Variants in MAFK observed in about 807,000 individuals in gnomAD.
MAFK encodes the protein transcription factor MafK.
In MAFK, 1 loss-of-function variant was observed where a neutral mutation model predicts 9.2. The ratio of observed to expected loss-of-function variants is 0.11; its 90% CI spans 0.04 to 0.52. The LOEUF is 0.52. MAFK is among the 20% of genes least tolerant of loss of function. The probability of loss-of-function intolerance (pLI) is 0.94; values close to 1 mark genes in which losing one functional copy is unlikely to be tolerated. For missense variants in MAFK, 207 were observed against 236.0 expected, an observed-to-expected ratio of 0.88 and a Z score of 0.81; for synonymous variants, 110 against 107.4, an observed-to-expected ratio of 1.02 and a Z score of -0.15.
At chr7:1,531,298 G>A (rs559849159) in intron 1 of MAFK, among the ~76,000 whole-genome samples, 213 of 151,076 alleles carry the variant, frequency 1.4e-3, no homozygotes, top group African/African-American at 5.0e-3. Context: ...GGGCGGTGCG[G>A]GGAGGGCGCG....
chr7:1,540,663 G>A lies in MAFK; in HGVS notation c.*288G>A. On this transcript the variant is annotated 3_prime_UTR_variant, in exon 3 of 3. Coordinates refer to ENST00000343242, the MANE Select transcript of MAFK (RefSeq NM_002360.4). ...GGTATCTTGCACCCGTGGGAGTCGG[G>A]ACATATAATGGAAAGGCCCTCGGGA... 4.6e-6 allele frequency: 2 copies of A among 437,960 alleles called. No homozygotes were observed. Among genetic ancestry groups the A allele is most frequent in the Non-Finnish European group, 8.1e-6 (2 of 245,408 alleles). The allele number at this position is 437,960 out of a possible 1,614,324, so 27.1% of individuals were successfully genotyped here.
chr7:1,540,504 G>C lies in MAFK; in HGVS notation c.*129G>C. On this transcript the variant is annotated 3_prime_UTR_variant, in exon 3 of 3. Transcript: ENST00000343242. ...CCAAGCGCAGGCCCCTCGGGCGCAGGCAGCTCACACCAGGAAGAGACTGTA... is the reference window on the plus strand; with the variant it reads ...CCAAGCGCAGGCCCCTCGGGCGCAGCCAGCTCACACCAGGAAGAGACTGTA... 1.1e-6 allele frequency: 1 copy of C among 942,810 alleles called. No homozygotes were observed. The highest frequency in any genetic ancestry group is 1.5e-6 in the Non-Finnish European group (1 of 648,974). The allele number at this position is 942,810 out of a possible 1,614,324, so 58.4% of individuals were successfully genotyped here.
Position 1,539,981 on chromosome 7 carries a change from A to G in MAFK, c.77A>G (p.Asp26Gly). 1 of 1,552,886 alleles carries G rather than the reference A, an allele frequency of 6.4e-7. No individual in the cohort carries two copies. The highest frequency in any genetic ancestry group is 8.7e-7 in the Non-Finnish European group (1 of 1,147,472). The change falls in exon 3 of 3, where the codon GAT becomes GGT. Residue 26 changes from aspartate (D) to glycine (G), a missense_variant. Physicochemically the swap from Asp to Gly is moderately conservative, Grantham distance 94. Transcript: ENST00000343242. ...EAGENAPVLSDDELVSMSVRE... is the reference protein window; with the variant it reads ...EAGENAPVLSGDELVSMSVRE... ...GGCGAGAACGCCCCGGTGCTCAGCG[A>G]TGATGAGCTGGTGTCCATGTCGGTG...
rs1022809747 is a variant in MAFK at position 1,532,012 on chromosome 7, G to A, written c.-45+1114G>A. On this transcript the variant is annotated intron_variant, in intron 1 of 2. Coordinates refer to ENST00000343242, the MANE Select transcript of MAFK (RefSeq NM_002360.4). This position sits in a 1 kb window ranked among gnomAD's most constrained non-coding sequence, Gnocchi z 4.5. ...AGGCAGCCAGCCAATCTCTGGCCAG[G>A]TGCCTGGCCTTGGGAAGATCCTGAG... Among the ~76,000 whole-genome samples, 4 of 152,160 alleles carry A rather than the reference G, an allele frequency of 2.6e-5. No homozygotes were observed. The highest frequency in any genetic ancestry group is 9.7e-5 in the African/African-American group (4 of 41,438).
intron 1 of MAFK, among the ~76,000 whole-genome samples, chr7:1,533,096 G>A (rs530701267): frequency 2.1e-4 from 32 of 152,334 alleles, no homozygotes; most frequent in African/African-American, 6.7e-4. Context: ...AGGTACAAGC[G>A]AACTTGAGTG....
rs973326092 is a variant in MAFK at position 1,542,284 on chromosome 7, A to G, written c.*1909A>G. The G allele has an allele frequency of 1.3e-5, 2 of 152,650 alleles. No individual in the cohort carries two copies. The highest frequency in any genetic ancestry group is 1.9e-4 in the East Asian group (1 of 5,194). 9.5% of individuals were successfully genotyped at this position (152,650 alleles called of 1,614,324 possible). ...GTTTATCTACAGATTTTTCGTAACA[A>G]TCTTTCTTTTCCAGTTTGATACTGT... On this transcript the variant is annotated 3_prime_UTR_variant, in exon 3 of 3. Coordinates refer to ENST00000343242, the MANE Select transcript of MAFK (RefSeq NM_002360.4).
chr7:1,535,818 C>T (rs938871540), intron 1 of MAFK, among the ~76,000 whole-genome samples: 40 of 152,338 alleles, frequency 2.6e-4, no homozygotes, highest in African/African-American at 9.1e-4. Flanking sequence ...CCTTCCTGGG[C>T]GGAGCCGCCC....
chr7:1,533,810 C>A (rs534450038), intron 1 of MAFK, among the ~76,000 whole-genome samples: 1 of 151,994 alleles, frequency 6.6e-6, no homozygotes. Flanking sequence ...GGCATCTGGG[C>A]CCCCCGGAAT....
rs150311941 is a variant in MAFK at position 1,534,777 on chromosome 7, C to T, written c.-45+3879C>T. Reference sequence around the variant, plus strand: ...CGTAGAGCGAGCGGCAGCCCCGATGCGTCCTCTCATCTGGGAAGAATCAGA... The same window carrying T: ...CGTAGAGCGAGCGGCAGCCCCGATGTGTCCTCTCATCTGGGAAGAATCAGA... On this transcript the variant is annotated intron_variant, in intron 1 of 2. Coordinates refer to ENST00000343242, the MANE Select transcript of MAFK (RefSeq NM_002360.4). This position sits in a 1 kb window ranked among gnomAD's most constrained non-coding sequence, Gnocchi z 4.3. 165 of 382,480 alleles carry T rather than the reference C, an allele frequency of 4.3e-4. No individual in the cohort carries two copies. Among genetic ancestry groups the T allele is most frequent in the African/African-American group, 3.0e-3 (143 of 48,128 alleles). The allele number at this position is 382,480 out of a possible 1,614,324, so 23.7% of individuals were successfully genotyped here.
At chr7:1,539,848 A>G in intron 2 of MAFK, 93 bp from the exon 3 acceptor site, 2 of 1,118,668 alleles carry the variant, frequency 1.8e-6, no homozygotes, top group Non-Finnish European at 2.5e-6. Context: ...GCAGGCGTGC[A>G]GGGGCACCGC....
intron 2 of MAFK, among the ~76,000 whole-genome samples, 181 bp from the exon 3 acceptor site, chr7:1,539,760 A>G (rs1194971365): frequency 1.3e-5 from 2 of 152,172 alleles, no homozygotes; most frequent in Non-Finnish European, 2.9e-5. Context: ...CTGTGGGGCC[A>G]CAGCTGTCAC....
At position 1,534,430 on chromosome 7, in the gene MAFK, G is replaced by T; in HGVS notation, c.-45+3532G>T. Reference sequence around the variant, plus strand: ...CTCCTGGGAGAGGCGGGTACACCTTGGGTGGCCTCTGGTTTTGTGGATTGC... The same window carrying T: ...CTCCTGGGAGAGGCGGGTACACCTTTGGTGGCCTCTGGTTTTGTGGATTGC... On this transcript the variant is annotated intron_variant, in intron 1 of 2. Coordinates refer to ENST00000343242, the MANE Select transcript of MAFK (RefSeq NM_002360.4). This position sits in a 1 kb window ranked among gnomAD's most constrained non-coding sequence, Gnocchi z 4.3. The T allele has an allele frequency of 2.3e-6, 1 of 435,290 alleles. No homozygotes were observed. The highest frequency in any genetic ancestry group is 4.7e-6 in the Non-Finnish European group (1 of 211,944). 27.0% of individuals were successfully genotyped at this position (435,290 alleles called of 1,614,324 possible). A position where few individuals can be genotyped will look rare whatever the true frequency, so the allele number is the denominator to read the frequency against.
In MAFK at chr7:1,531,551, G is replaced by T. The variant is rs1237160860; in HGVS notation, c.-45+653G>T. ...AAGGCCGTGGGGAGGCGGGAGGGGG[G>T]CAGGTGACAGTGGCCCCAAGGCTCG... is the stretch of plus-strand genomic sequence containing the variant. On this transcript the variant is annotated intron_variant, in intron 1 of 2. Transcript: ENST00000343242. Among the ~76,000 whole-genome samples, 3 of 152,206 alleles carry T rather than the reference G, an allele frequency of 2.0e-5. No individual in the cohort carries two copies. The East Asian group carries it at 5.8e-4, about 29-fold the overall frequency.
Position 1,539,540 on chromosome 7 carries a change from AGCG to A in MAFK, c.36+313_36+315del, listed in dbSNP as rs573424629. 4.3e-3 allele frequency among the ~76,000 whole-genome samples: 452 copies of A among 106,150 alleles called. 1 individual carries two copies. The highest frequency in any genetic ancestry group is 0.018 in the African/African-American group (434 of 24,128). 69.6% of individuals were successfully genotyped at this position (106,150 alleles called of 152,430 possible). A position where few individuals can be genotyped will look rare whatever the true frequency, so the allele number is the denominator to read the frequency against. ...GGCTCCAGGCGTGGGCAGCGTGGCC[AGCG>A]TGGCCTCTGGTGAACGCGATGCTCC... On this transcript the variant is annotated intron_variant, in intron 2 of 2. Transcript: ENST00000343242.
chr7:1,532,677 C>A lies in MAFK; in HGVS notation c.-45+1779C>A, dbSNP rs1356173175. Among the ~76,000 whole-genome samples, 1 of 152,190 alleles carries A rather than the reference C, an allele frequency of 6.6e-6. No homozygotes were observed. Among genetic ancestry groups the A allele is most frequent in the Non-Finnish European group, 1.5e-5 (1 of 68,038 alleles). On this transcript the variant is annotated intron_variant, in intron 1 of 2. Coordinates refer to ENST00000343242, the MANE Select transcript of MAFK (RefSeq NM_002360.4). This position sits in a 1 kb window ranked among gnomAD's most constrained non-coding sequence, Gnocchi z 4.5. ...AGGGAGACCGTCTTCCGGGCCACTT[C>A]GCTGTCTACAAGGCGTGTGCTTTCA... is the stretch of plus-strand genomic sequence containing the variant.
chr7:1,540,423 G>GCGGGCAGGC lies in MAFK; in HGVS notation c.*48_*49insCGGGCAGGC. ...GCGGGCGGCGGGCGGCGGGCAGGCGGGTGGGGGCACACCCCTCGTACCTGT... is the reference window on the plus strand; with the variant it reads ...GCGGGCGGCGGGCGGCGGGCAGGCGGCGGGCAGGCGTGGGGGCACACCCCTCGTACCTGT... On this transcript the variant is annotated 3_prime_UTR_variant, in exon 3 of 3. Transcript: ENST00000343242. The GCGGGCAGGC allele has an allele frequency of 7.9e-7, 1 of 1,262,264 alleles. No homozygotes were observed. Among genetic ancestry groups the GCGGGCAGGC allele is most frequent in the African/African-American group, 1.5e-5 (1 of 67,054 alleles). 78.2% of individuals were successfully genotyped at this position (1,262,264 alleles called of 1,614,324 possible).
At position 1,534,162 on chromosome 7, in the gene MAFK, G is replaced by T; in HGVS notation, c.-45+3264G>T. On this transcript the variant is annotated intron_variant, in intron 1 of 2. Transcript: ENST00000343242. This position sits in a 1 kb window ranked among gnomAD's most constrained non-coding sequence, Gnocchi z 4.3. The stretch of plus-strand genomic sequence containing the variant: ...GGGCCGGGCTGCGGGGTGCCAAGTG[G>T]GGTGCCTCCCGCATGCTTAGTGGGG... 1 of 446,552 alleles carries T rather than the reference G, an allele frequency of 2.2e-6. No homozygotes were observed. The highest frequency in any genetic ancestry group is 1.6e-5 in the South Asian group (1 of 64,182). 27.7% of individuals were successfully genotyped at this position (446,552 alleles called of 1,614,324 possible). A position where few individuals can be genotyped will look rare whatever the true frequency, so the allele number is the denominator to read the frequency against.
At chr7:1,539,054 G>T in intron 1 of MAFK, 95 bp from the exon 2 acceptor site, 1 of 927,324 alleles carries the variant, frequency 1.1e-6, no homozygotes, top group Non-Finnish European at 1.7e-6. Flanking sequence ...TGTCCACCCC[G>T]GGCTGAGAAG....
At position 1,532,999 on chromosome 7, in the gene MAFK, T is replaced by G. The variant is rs900186063; in HGVS notation, c.-45+2101T>G. Reference sequence around the variant, plus strand: ...TTTCCCCGCTATTTATTTTTGCTTTTTATAAGTCACAGACTCGTCATGTTT... The same window carrying G: ...TTTCCCCGCTATTTATTTTTGCTTTGTATAAGTCACAGACTCGTCATGTTT... On this transcript the variant is annotated intron_variant, in intron 1 of 2. Coordinates refer to ENST00000343242, the MANE Select transcript of MAFK (RefSeq NM_002360.4). The surrounding 1 kb of genome is among the most constrained non-coding windows in gnomAD (Gnocchi z 4.5). 1.3e-5 allele frequency among the ~76,000 whole-genome samples: 2 copies of G among 152,194 alleles called. No individual in the cohort carries two copies. Among genetic ancestry groups the G allele is most frequent in the East Asian group, 3.8e-4 (2 of 5,198 alleles).
Sources: allele counts gnomAD v4.1 joint callset (sites outside exome capture counted in the v4.1 genomes callset), GRCh38; gene constraint gnomAD v4.1.1; non-coding constraint Gnocchi (gnomAD v3.1); transcripts MANE v1.5; gene names NCBI Gene and HGNC (gene_info 2026-07-23, HGNC 2026-07-21).